The following NTRK3 variants were observed in gnomAD, a reference collection of about 807,000 sequenced individuals.
NTRK3 encodes NT-3 growth factor receptor.
Under a neutral mutation model 91.7 loss-of-function variants are expected in NTRK3, and 24 were observed. That is an observed-to-expected ratio of 0.26 (90% confidence interval 0.19 to 0.37). NTRK3 has a LOEUF of 0.37. NTRK3 is among the 10% of genes least tolerant of loss of function. The pLI is 1.00. For missense variants in NTRK3, 880 were observed against 1,068.9 expected, an observed-to-expected ratio of 0.82 and a Z score of 2.46; for synonymous variants, 483 against 404.0, an observed-to-expected ratio of 1.20 and a Z score of -2.34.
At chr15:87,860,957 A>T in exon 19 of NTRK3, 1 of 223,600 alleles carries the variant, frequency 4.5e-6, no homozygotes, top group Non-Finnish European at 8.9e-6. Context: ...GCAATACTGT[A>T]TTCATTGTTA....
At chr15:87,941,274 G>T (rs1271167259) in intron 14 of NTRK3, among the ~76,000 whole-genome samples, 2 of 152,124 alleles carry the variant, frequency 1.3e-5, no homozygotes, top group African/African-American at 2.4e-5. Context: ...GCCATTACTA[G>T]TTTTTTGAGC....
At chr15:88,065,274 G>C (rs536056230) in intron 13 of NTRK3, among the ~76,000 whole-genome samples, 5 of 152,118 alleles carry the variant, frequency 3.3e-5, no homozygotes, top group Non-Finnish European at 7.4e-5. Flanking sequence ...CAACACCAGG[G>C]GAAGAAATCC....
intron 14 of NTRK3, among the ~76,000 whole-genome samples, chr15:87,998,588 T>G (rs2075874847): frequency 6.6e-6 from 1 of 152,224 alleles, no homozygotes; most frequent in Non-Finnish European, 1.5e-5. Context: ...TGATGCATTT[T>G]TAATCCATGT....
At chr15:87,880,764 A>T (rs1186252914) in intron 17 of NTRK3, among the ~76,000 whole-genome samples, 1 of 152,246 alleles carries the variant, frequency 6.6e-6, no homozygotes, top group Non-Finnish European at 1.5e-5. Context: ...TCCAGCAAGA[A>T]GTCAGCAGAA....
intron 17 of NTRK3, among the ~76,000 whole-genome samples, chr15:87,912,915 T>C (rs2067174216): frequency 9.9e-6 from 1 of 101,450 alleles, no homozygotes; most frequent in African/African-American, 3.3e-5. Context: ...GTTCAACTTT[T>C]CAAAAAGTAA....
intron 3 of NTRK3, among the ~76,000 whole-genome samples, chr15:88,239,286 T>C (rs1457237428): frequency 4.6e-5 from 7 of 152,092 alleles, no homozygotes; most frequent in Non-Finnish European, 7.3e-5. Flanking sequence ...ATCAGCTCAC[T>C]GGGGCAGAGG....
chr15:88,059,734 C>G (rs1041608424), intron 13 of NTRK3, among the ~76,000 whole-genome samples: 2 of 152,190 alleles, frequency 1.3e-5, no homozygotes, highest in East Asian at 1.9e-4. Context: ...TGTGACCCCC[C>G]CTAAAATTTA....
chr15:87,989,748 A>T lies in NTRK3; in HGVS notation c.1585+43109T>A, dbSNP rs201144523. Among the ~76,000 whole-genome samples the T allele has an allele frequency of 1.9e-4, 29 of 152,084 alleles. No individual in the cohort carries two copies. The East Asian group carries it at 5.4e-3, about 28-fold the overall frequency. ...CAGCCACTTAAGTAGCTGGGATTAC[A>T]GGTGCACACTACCACACTTGGCTAA... On this transcript the variant is annotated intron_variant, in intron 14 of 18. Transcript: ENST00000394480.
chr15:87,894,163 G>A (rs899327225), intron 17 of NTRK3, among the ~76,000 whole-genome samples: 3 of 152,218 alleles, frequency 2.0e-5, no homozygotes, highest in Admixed American at 1.3e-4. Flanking sequence ...TCCCTGGGAA[G>A]TCTGGTTTCC....
chr15:87,979,428 G>A (rs1196178929), intron 14 of NTRK3: 16 of 1,612,996 alleles, frequency 9.9e-6, no homozygotes, highest in Non-Finnish European at 1.4e-5. Flanking sequence ...GAATGTCCGG[G>A]AAGGCTTATT....
intron 13 of NTRK3, among the ~76,000 whole-genome samples, chr15:88,104,535 T>G (rs1323690172): frequency 6.6e-6 from 1 of 152,186 alleles, no homozygotes; most frequent in Admixed American, 6.5e-5. Flanking sequence ...TGACTTTCAG[T>G]GAGTTGCCCT....
intron 13 of NTRK3, among the ~76,000 whole-genome samples, chr15:88,096,593 G>C (rs1329787784): frequency 6.6e-6 from 1 of 152,188 alleles, no homozygotes; most frequent in Non-Finnish European, 1.5e-5. Flanking sequence ...AGCACAGTAA[G>C]AGCAAGCTTG....
intron 17 of NTRK3, among the ~76,000 whole-genome samples, chr15:87,893,765 A>G (rs2065962877): frequency 6.6e-6 from 1 of 152,206 alleles, no homozygotes; most frequent in African/African-American, 2.4e-5. Context: ...GGCATACAGG[A>G]CACGAAGTAA....
At chr15:88,075,574 G>GA in intron 13 of NTRK3, among the ~76,000 whole-genome samples, 1 of 145,004 alleles carries the variant, frequency 6.9e-6, no homozygotes, top group East Asian at 1.9e-4. Flanking sequence ...AGTCTCCAAA[G>GA]GAGAAGTCTC....
chr15:87,937,264 C>A (rs1048814091), intron 15 of NTRK3, among the ~76,000 whole-genome samples: 1 of 152,108 alleles, frequency 6.6e-6, no homozygotes, highest in African/African-American at 2.4e-5. Context: ...ACTAAACCTG[C>A]TAATGTAATT....
chr15:88,120,849 G>A (rs561830287), intron 13 of NTRK3, among the ~76,000 whole-genome samples: 32 of 152,316 alleles, frequency 2.1e-4, no homozygotes, highest in African/African-American at 7.0e-4. Context: ...GAAGGCTCTC[G>A]CTAGCTGTGT....
At chr15:88,043,071 AC>A (rs2079811739) in intron 13 of NTRK3, among the ~76,000 whole-genome samples, 1 of 152,154 alleles carries the variant, frequency 6.6e-6, no homozygotes, top group African/African-American at 2.4e-5. Context: ...TAAACTCCAA[AC>A]CCACAACTGT....
intron 13 of NTRK3, among the ~76,000 whole-genome samples, chr15:88,046,567 A>G (rs1195930962): frequency 2.0e-5 from 3 of 152,102 alleles, no homozygotes; most frequent in Non-Finnish European, 4.4e-5. Context: ...CAGCAAACAC[A>G]TTAGCCTGTA....
exon 19 of NTRK3, chr15:87,864,246 A>C (rs911139493): frequency 4.3e-6 from 1 of 232,452 alleles, no homozygotes; most frequent in Non-Finnish European, 8.5e-6. Flanking sequence ...GAAGTGAGAG[A>C]AAAATAACAT....
Sources: gnomAD v4.1 joint callset for allele counts (sites outside exome capture counted in the v4.1 genomes callset) on GRCh38, gnomAD v4.1.1 for gene constraint, MANE v1.5 for transcripts, NCBI Gene and HGNC (gene_info 2026-07-23, HGNC 2026-07-21) for gene names.